Variants in PRKCA observed in about 807,000 individuals in gnomAD.
PRKCA encodes protein kinase C alpha type.
PRKCA carries 27 observed loss-of-function variants against 87.0 expected under a neutral mutation model. That is an observed-to-expected ratio of 0.31 (90% CI 0.23 to 0.43). The LOEUF (loss-of-function observed/expected upper bound fraction) is 0.43, where lower values mean the gene tolerates loss of function less well. Among genes scored for constraint, PRKCA ranks in the 20% least tolerant of loss-of-function variants. The probability of loss-of-function intolerance (pLI) is 1.00; values close to 1 mark genes in which losing one functional copy is unlikely to be tolerated. For synonymous variants in PRKCA, 329 were observed against 311.1 expected (o/e 1.06, Z -0.61); for missense variants, 518 against 852.3 (o/e 0.61, Z 4.88).
At chr17:66,702,562 C>T (rs1479538053) in intron 8 of PRKCA, among the ~76,000 whole-genome samples, 1 of 152,052 alleles carries the variant, frequency 6.6e-6, no homozygotes, top group African/African-American at 2.4e-5. Flanking sequence ...CTGAGTAGAT[C>T]TTAAAGATTC....
At chr17:66,502,298 G>A (rs1307977694) in intron 3 of PRKCA, among the ~76,000 whole-genome samples, 1 of 151,560 alleles carries the variant, frequency 6.6e-6, no homozygotes, top group East Asian at 2.0e-4. Context: ...GCAGTGGCGC[G>A]ATCTTGGCTC....
chr17:66,626,362 ATTTT>A (rs36045417), intron 3 of PRKCA, among the ~76,000 whole-genome samples: 1 of 124,442 alleles, frequency 8.0e-6, no homozygotes. Flanking sequence ...TAGTTTTTGT[ATTTT>A]TTTTTTTTTT....
intron 1 of PRKCA, among the ~76,000 whole-genome samples, chr17:66,305,074 T>C (rs1314098412): frequency 6.6e-6 from 1 of 152,038 alleles, no homozygotes; most frequent in African/African-American, 2.4e-5. Context: ...AAGTGGAAAA[T>C]GCCCCCCTGA....
At chr17:66,367,172 G>A (rs928479199) in intron 2 of PRKCA, among the ~76,000 whole-genome samples, 4 of 152,224 alleles carry the variant, frequency 2.6e-5, no homozygotes, top group African/African-American at 7.2e-5. Flanking sequence ...GGACCATGGT[G>A]AGTTCACAAA....
chr17:66,516,009 T>C (rs1040559269), intron 3 of PRKCA, among the ~76,000 whole-genome samples: 1 of 152,234 alleles, frequency 6.6e-6, no homozygotes, highest in Admixed American at 6.5e-5. Flanking sequence ...TCAATACTTG[T>C]GTTTATTCAG....
chr17:66,765,807 C>A (rs749207383), intron 13 of PRKCA, among the ~76,000 whole-genome samples: 29 of 152,028 alleles, frequency 1.9e-4, no homozygotes, highest in Admixed American at 3.9e-4. Flanking sequence ...CACTATTTTC[C>A]CTTTTACAGT....
chr17:66,376,167 A>G (rs1442110607), intron 2 of PRKCA, among the ~76,000 whole-genome samples: 1 of 152,150 alleles, frequency 6.6e-6, no homozygotes, highest in Middle Eastern at 3.2e-3. Context: ...CTGCATCAGA[A>G]TCTTCAGGAA....
At chr17:66,528,076 A>ACTGTAAGCCCAGGCAT (rs1195851859) in intron 3 of PRKCA, among the ~76,000 whole-genome samples, 4 of 151,976 alleles carry the variant, frequency 2.6e-5, no homozygotes, top group Non-Finnish European at 5.9e-5. Context: ...CGTGGTGGCT[A>ACTGTAAGCCCAGGCAT]CTGTAAGCCC....
chr17:66,762,388 G>A (rs1038177255), intron 13 of PRKCA, among the ~76,000 whole-genome samples: 4 of 152,138 alleles, frequency 2.6e-5, no homozygotes, highest in African/African-American at 7.2e-5. Context: ...CTTGTCAGGT[G>A]GGTGCTGAAA....
chr17:66,735,183 T>C (rs1432258794), intron 9 of PRKCA, among the ~76,000 whole-genome samples: 3 of 152,184 alleles, frequency 2.0e-5, no homozygotes. Context: ...ATGTGCATTA[T>C]TCCAGACTAA....
intron 2 of PRKCA, among the ~76,000 whole-genome samples, chr17:66,473,964 C>T (rs1753194076): frequency 6.6e-6 from 1 of 152,040 alleles, no homozygotes; most frequent in African/African-American, 2.4e-5. Flanking sequence ...AAAGCTCAAG[C>T]CAGACCGTCA....
At chr17:66,571,065 A>G (rs1969066261) in intron 3 of PRKCA, among the ~76,000 whole-genome samples, 1 of 152,248 alleles carries the variant, frequency 6.6e-6, no homozygotes, top group Admixed American at 6.5e-5. Context: ...CACACATTCC[A>G]GAGGGGTTCT....
At chr17:66,406,339 G>C (rs536551262) in intron 2 of PRKCA, among the ~76,000 whole-genome samples, 1 of 152,070 alleles carries the variant, frequency 6.6e-6, no homozygotes. Context: ...AAGTTTCATT[G>C]GATGCTCTTA....
chr17:66,499,682 G>A (rs1916642024), intron 3 of PRKCA, among the ~76,000 whole-genome samples: 1 of 152,172 alleles, frequency 6.6e-6, no homozygotes, highest in Non-Finnish European at 1.5e-5. Context: ...CTGATGCCCA[G>A]CCATGTCCTG....
At chr17:66,373,790 A>AG (rs1665010234) in intron 2 of PRKCA, among the ~76,000 whole-genome samples, 1 of 152,176 alleles carries the variant, frequency 6.6e-6, no homozygotes, top group Non-Finnish European at 1.5e-5. Context: ...TTTCATCCTA[A>AG]AATCGGGTAG....
chr17:66,416,121 C>T (rs1412186883), intron 2 of PRKCA: 2 of 152,226 alleles, frequency 1.3e-5, no homozygotes, highest in Non-Finnish European at 2.9e-5. Flanking sequence ...TCATCTGTAA[C>T]TAATTCCAAA....
chr17:66,442,014 G>A (rs925356642), intron 2 of PRKCA, among the ~76,000 whole-genome samples: 4 of 151,876 alleles, frequency 2.6e-5, no homozygotes, highest in Admixed American at 6.6e-5. Context: ...CTCTGCCAAG[G>A]GATATTTTTT....
intron 3 of PRKCA, among the ~76,000 whole-genome samples, chr17:66,627,781 C>T (rs1970897048): frequency 6.6e-6 from 1 of 152,194 alleles, no homozygotes; most frequent in Non-Finnish European, 1.5e-5. Context: ...CCATCCTTAA[C>T]TAACGCATGG....
chr17:66,381,114 A>G (rs1464564200), intron 2 of PRKCA, among the ~76,000 whole-genome samples: 1 of 151,162 alleles, frequency 6.6e-6, no homozygotes, highest in Non-Finnish European at 1.5e-5. Context: ...TAAGTTTTAT[A>G]TTTTTTTTGT....
Sources: allele counts gnomAD v4.1 joint callset (sites outside exome capture counted in the v4.1 genomes callset), GRCh38; gene constraint gnomAD v4.1.1; transcripts MANE v1.5; gene names NCBI Gene and HGNC (gene_info 2026-07-23, HGNC 2026-07-21).